The following TUBGCP3 variants were observed in gnomAD, a reference collection of about 807,000 sequenced individuals.
The protein encoded by TUBGCP3 is tubulin gamma complex component 3, also known as gamma-tubulin complex component 3.
TUBGCP3 carries 50 observed loss-of-function variants against 123.1 expected under a neutral mutation model. The observed-to-expected ratio is 0.41, with a 90% CI of 0.32 to 0.51. TUBGCP3 has a LOEUF of 0.51. TUBGCP3 is among the 20% of genes least tolerant of loss of function. TUBGCP3 has a pLI of 0.36. For synonymous variants in TUBGCP3, 405 were observed against 413.9 expected (o/e 0.98, Z 0.26); for missense variants, 882 against 1,127.0 (o/e 0.78, Z 3.11).
chr13:112,572,728 T>C (rs1881510302), intron 1 of TUBGCP3, among the ~76,000 whole-genome samples: 1 of 152,042 alleles, frequency 6.6e-6, no homozygotes, highest in Non-Finnish European at 1.5e-5. Context: ...CCAAAACAAT[T>C]ACAACAGCAG....
chr13:112,485,972 T>A lies in TUBGCP3; in HGVS notation c.*21A>T, dbSNP rs756014951. On this transcript the variant is annotated 3_prime_UTR_variant, in exon 22 of 22. Coordinates refer to ENST00000261965, the MANE Select transcript of TUBGCP3 (RefSeq NM_006322.6). Reference sequence around the variant, plus strand: ...CAGTGCAACGAACATCACCCGCAGCTCCCTGGGAGGACCGCGAGCTTCACG... The same window carrying A: ...CAGTGCAACGAACATCACCCGCAGCACCCTGGGAGGACCGCGAGCTTCACG... 27 of 1,539,982 alleles carry A rather than the reference T, an allele frequency of 1.8e-5. No homozygotes were observed. Among genetic ancestry groups the A allele is most frequent in the African/African-American group, 4.1e-5 (3 of 72,832 alleles).
chr13:112,492,566 G>T lies in TUBGCP3; in HGVS notation c.2449-2869C>A, dbSNP rs558478923. Among the ~76,000 whole-genome samples, 4 of 149,584 alleles carry T rather than the reference G, an allele frequency of 2.7e-5. No homozygotes were observed. In the South Asian group the frequency reaches 8.3e-4, roughly 31 times the overall value. On this transcript the variant is annotated intron_variant, in intron 20 of 21. Transcript: ENST00000261965. ...CAGAGGAGCCCTGGCTATGGGAACA[G>T]GGCCTGGTGTGTCTGAGACACCCTG...
chr13:112,522,129 T>C (rs1876677192), intron 14 of TUBGCP3, among the ~76,000 whole-genome samples, 191 bp downstream of exon 14: 1 of 152,348 alleles, frequency 6.6e-6, no homozygotes, highest in East Asian at 1.9e-4. Context: ...AATGATGCTC[T>C]GCTGATAACC....
rs922526076 is a variant in TUBGCP3, at chr13:112,508,783, C to T, written c.2087-4069G>A. On this transcript the variant is annotated intron_variant, in intron 17 of 21. Transcript: ENST00000261965. This position sits in a 1 kb window ranked among gnomAD's most constrained non-coding sequence, Gnocchi z 4.2. ...TAAAAGATGCCACCACCCACCAGGT[C>T]CTCAAGTCAGAGACCCAGGTGCCAC... is the stretch of plus-strand genomic sequence containing the variant. Among the ~76,000 whole-genome samples the T allele has an allele frequency of 5.3e-5, 8 of 152,134 alleles. No homozygotes were observed. The highest frequency in any genetic ancestry group is 4.1e-4 in the South Asian group (2 of 4,822).
the TUBGCP3 span, among the ~76,000 whole-genome samples, chr13:112,593,311 A>T: frequency 4.6e-5 from 7 of 152,286 alleles, no homozygotes; most frequent in African/African-American, 1.7e-4. Flanking sequence ...CCAGCTGCTC[A>T]GGTGGCTGAG....
the TUBGCP3 span, among the ~76,000 whole-genome samples, chr13:112,593,295 G>A: frequency 3.3e-5 from 5 of 152,304 alleles, no homozygotes; most frequent in South Asian, 1.0e-3. Context: ...GTACGCACCT[G>A]TAATCCCAGC....
At chr13:112,586,593 A>C (rs1882623062) in intron 1 of TUBGCP3, among the ~76,000 whole-genome samples, 1 of 152,080 alleles carries the variant, frequency 6.6e-6, no homozygotes, top group Non-Finnish European at 1.5e-5. Context: ...CCCTTACTCC[A>C]TTCAGGTCTC....
At chr13:112,605,240 C>G in the TUBGCP3 span, 3 of 152,108 alleles carry the variant, frequency 2.0e-5, no homozygotes, top group East Asian at 5.8e-4. Context: ...ACCCGGGAGG[C>G]GGAGGCTGCA....
chr13:112,596,001 A>G, the TUBGCP3 span, among the ~76,000 whole-genome samples: 8 of 152,178 alleles, frequency 5.3e-5, no homozygotes, highest in South Asian at 1.7e-3. Flanking sequence ...TTACATGTAC[A>G]TAACTTATTT....
chr13:112,493,833 C>G (rs1232344374), intron 20 of TUBGCP3, among the ~76,000 whole-genome samples: 117 of 87,302 alleles, frequency 1.3e-3, no homozygotes, highest in African/African-American at 2.7e-3. Context: ...TGGTATCCCT[C>G]AGACGCTCTA....
At chr13:112,566,631 A>G (rs1880970058) in intron 2 of TUBGCP3, among the ~76,000 whole-genome samples, 1 of 152,258 alleles carries the variant, frequency 6.6e-6, no homozygotes, top group South Asian at 2.1e-4. Context: ...TATTTACAAC[A>G]TATAAATAGA....
At chr13:112,505,766 G>T (rs1242819915) in intron 17 of TUBGCP3, among the ~76,000 whole-genome samples, 3 of 152,198 alleles carry the variant, frequency 2.0e-5, no homozygotes, top group South Asian at 4.1e-4. Flanking sequence ...AAATACATAT[G>T]TGAATTGTAT....
chr13:112,508,047 C>A lies in TUBGCP3; in HGVS notation c.2087-3333G>T, dbSNP rs1245746862. ...CAGCCTAAACTCCTGACATCCCACT[C>A]CAGCCCATCCCAGTGCTGCCTGGGG... On this transcript the variant is annotated intron_variant, in intron 17 of 21. Transcript: ENST00000261965. The surrounding 1 kb of genome is among the most constrained non-coding windows in gnomAD (Gnocchi z 4.2). 6.6e-6 allele frequency among the ~76,000 whole-genome samples: 1 copy of A among 152,204 alleles called. No homozygotes were observed. The highest frequency in any genetic ancestry group is 1.5e-5 in the Non-Finnish European group (1 of 68,026).
intron 11 of TUBGCP3, among the ~76,000 whole-genome samples, chr13:112,527,957 T>C (rs1376260130): frequency 1.3e-5 from 2 of 152,244 alleles, no homozygotes; most frequent in African/African-American, 4.8e-5. Flanking sequence ...TCCCAAGCTC[T>C]ATGGGCAGAC....
chr13:112,522,043 A>T (rs1380062246), intron 14 of TUBGCP3, among the ~76,000 whole-genome samples: 1 of 152,230 alleles, frequency 6.6e-6, no homozygotes, highest in Non-Finnish European at 1.5e-5. Flanking sequence ...CCAACTCCTC[A>T]TACATGAAGA....
At chr13:112,487,376 C>A (rs939747170) in intron 21 of TUBGCP3, among the ~76,000 whole-genome samples, 4 of 152,048 alleles carry the variant, frequency 2.6e-5, no homozygotes, top group African/African-American at 9.7e-5. Context: ...CTTTGTAAAT[C>A]ATTACCATTC....
chr13:112,547,035 T>C (rs970304256), intron 10 of TUBGCP3: 7 of 162,824 alleles, frequency 4.3e-5, no homozygotes, highest in Non-Finnish European at 9.3e-5. Flanking sequence ...AAAGAGGTTC[T>C]TGGCCAAGGT....
At chr13:112,528,856 T>C (rs112893136) in intron 11 of TUBGCP3, among the ~76,000 whole-genome samples, 2,187 of 152,190 alleles carry the variant, frequency 0.014, 54 homozygotes, top group African/African-American at 0.049. Context: ...CTAGATCTGT[T>C]TTTTTTTCTT....
chr13:112,573,510 C>T (rs914113825), intron 1 of TUBGCP3, among the ~76,000 whole-genome samples: 1 of 152,126 alleles, frequency 6.6e-6, no homozygotes, highest in Non-Finnish European at 1.5e-5. Flanking sequence ...TTCACAGCAA[C>T]TGCCTTAGCC....
Sources: gnomAD v4.1 joint callset for allele counts (sites outside exome capture counted in the v4.1 genomes callset) on GRCh38, gnomAD v4.1.1 for gene constraint, Gnocchi (gnomAD v3.1) non-coding constraint, MANE v1.5 for transcripts, NCBI Gene and HGNC (gene_info 2026-07-23, HGNC 2026-07-21) for gene names.